Variants in MED12L observed in about 807,000 individuals in gnomAD.
MED12L encodes the protein mediator complex subunit 12L, also known as mediator of RNA polymerase II transcription subunit 12-like protein.
Under a neutral mutation model 281.3 loss-of-function variants are expected in MED12L, and 60 were observed. That is an observed-to-expected ratio of 0.21 (90% CI 0.17 to 0.26). The LOEUF (loss-of-function observed/expected upper bound fraction) is 0.26. MED12L is among the 10% of genes least tolerant of loss of function. The pLI is 1.00. For synonymous variants in MED12L, 974 were observed against 987.2 expected (o/e 0.99, Z 0.25); for missense variants, 2,146 against 2,680.9 (o/e 0.80, Z 4.41).
chr3:151,213,741 C>G, intron 16 of MED12L: 1 of 1,614,112 alleles, frequency 6.2e-7, no homozygotes, highest in Non-Finnish European at 8.5e-7. Context: ...AGAAGATGGC[C>G]ACGAAGATGT....
chr3:151,223,457 T>G (rs1157819477), intron 16 of MED12L, among the ~76,000 whole-genome samples: 2 of 152,178 alleles, frequency 1.3e-5, no homozygotes, highest in African/African-American at 4.8e-5. Flanking sequence ...CTATCAATGA[T>G]GGATTGGATG....
rs558538528 is a variant in MED12L at position 151,215,380 on chromosome 3, A to G, written c.2250+21714A>G. Among the ~76,000 whole-genome samples, 12 of 152,316 alleles carry G rather than the reference A, an allele frequency of 7.9e-5. No homozygotes were observed. In the East Asian group the frequency reaches 1.3e-3, roughly 17 times the overall value. ...GGAATGAAAAAATGTAAAATATCTC[A>G]GTATTTTTAATACTGATCACATGTT... is the stretch of plus-strand genomic sequence containing the variant. On this transcript the variant is annotated intron_variant, in intron 16 of 44. Transcript: ENST00000687756.
At chr3:151,138,791 G>A (rs905987745) in intron 5 of MED12L, among the ~76,000 whole-genome samples, 1 of 152,052 alleles carries the variant, frequency 6.6e-6, no homozygotes, top group South Asian at 2.1e-4. Flanking sequence ...TGATCACCTG[G>A]CTGAGGTAGC....
intron 2 of MED12L, among the ~76,000 whole-genome samples, chr3:151,112,276 C>A (rs944521444): frequency 5.3e-5 from 7 of 131,258 alleles, no homozygotes; most frequent in Admixed American, 7.8e-5. Context: ...TTAACAATTT[C>A]TTTTTCTTTT....
At chr3:151,174,293 C>T (rs1322410768) in intron 11 of MED12L, among the ~76,000 whole-genome samples, 5 of 152,194 alleles carry the variant, frequency 3.3e-5, no homozygotes, top group African/African-American at 7.2e-5. Flanking sequence ...AATTATGGAT[C>T]AGCCCCTGTA....
chr3:151,380,294 T>C (rs1712019987), intron 32 of MED12L, 70 bp downstream of exon 32: 2 of 1,073,066 alleles, frequency 1.9e-6, no homozygotes, highest in East Asian at 5.2e-5. Context: ...GCCTTTCAAA[T>C]ACTGAGATTA....
intron 38 of MED12L, among the ~76,000 whole-genome samples, chr3:151,394,007 G>A (rs565529048): frequency 2.0e-5 from 3 of 151,962 alleles, no homozygotes; most frequent in Non-Finnish European, 4.4e-5. Flanking sequence ...TTAAATGCGC[G>A]TGACAAATTA....
intron 16 of MED12L, among the ~76,000 whole-genome samples, chr3:151,237,337 TTTTTTTTTTTTTC>T (rs1204037687): frequency 7.8e-5 from 7 of 89,448 alleles, no homozygotes; most frequent in Non-Finnish European, 1.1e-4. Flanking sequence ...CACGCCTGGC[TTTTTTTTTTTTTC>T]TTTTTTTTTT....
chr3:151,321,726 G>A (rs1384998539), intron 16 of MED12L, among the ~76,000 whole-genome samples: 1 of 152,132 alleles, frequency 6.6e-6, no homozygotes, highest in Non-Finnish European at 1.5e-5. Context: ...AGTAAGTTAT[G>A]TAATTTTTAA....
In MED12L at chr3:151,366,128, G is replaced by A. The variant is rs182946706; in HGVS notation, c.3327+137G>A. ...ATATTTTTTCTTTCTCTGTCCAAAA[G>A]CAGTAAACCACAATGACATTGCCAG... On this transcript the variant is annotated intron_variant, in intron 23 of 44. Coordinates refer to ENST00000687756, the MANE Select transcript of MED12L (RefSeq NM_001393769.1). 4.4e-3 allele frequency: 2,995 copies of A among 684,918 alleles called. 13 individuals carry two copies. The highest frequency in any genetic ancestry group is 5.8e-3 in the Non-Finnish European group (2,696 of 463,584). 42.4% of individuals were successfully genotyped at this position (684,918 alleles called of 1,614,324 possible). A position where few individuals can be genotyped will look rare whatever the true frequency, so the allele number is the denominator to read the frequency against.
In MED12L at chr3:151,319,020, T is replaced by C. The variant is rs537415510; in HGVS notation, c.2251-31039T>C. The stretch of plus-strand genomic sequence containing the variant: ...CAGCTGGCTTGGAGTGTTTCAGTGT[T>C]TCGTTGGCTGGCAGCGCAAATTTAG... On this transcript the variant is annotated intron_variant, in intron 16 of 44. Coordinates refer to ENST00000687756, the MANE Select transcript of MED12L (RefSeq NM_001393769.1). Among the ~76,000 whole-genome samples the C allele has an allele frequency of 9.1e-4, 139 of 152,252 alleles. 1 individual carries two copies. Among genetic ancestry groups the C allele is most frequent in the Admixed American group, 8.1e-3 (124 of 15,306 alleles).
intron 2 of MED12L, among the ~76,000 whole-genome samples, chr3:151,088,427 A>T (rs1242817885): frequency 6.6e-6 from 1 of 152,232 alleles, no homozygotes; most frequent in Non-Finnish European, 1.5e-5. Flanking sequence ...GATCAAGTGT[A>T]CAGTTAATAG....
At chr3:151,388,808 G>A (rs942318234) in intron 37 of MED12L, among the ~76,000 whole-genome samples, 4 of 152,106 alleles carry the variant, frequency 2.6e-5, no homozygotes, top group African/African-American at 9.7e-5. Flanking sequence ...CTATTTGATG[G>A]TGATTTAGAA....
chr3:151,087,118 C>A, intron 2 of MED12L, 93 bp downstream of exon 2: 1 of 1,045,430 alleles, frequency 9.6e-7, no homozygotes, highest in Admixed American at 2.7e-5. Context: ...GCCGGCGCTG[C>A]GGTGGAAGAG....
intron 16 of MED12L, chr3:151,299,934 G>T: frequency 1.4e-6 from 1 of 718,634 alleles, no homozygotes. Flanking sequence ...TATACATAAG[G>T]AAACACAAAG....
intron 21 of MED12L, among the ~76,000 whole-genome samples, chr3:151,363,600 T>C (rs1216837820): frequency 2.6e-5 from 4 of 152,204 alleles, no homozygotes; most frequent in Non-Finnish European, 5.9e-5. Context: ...TATCCTTCAA[T>C]GACAACCAAC....
chr3:151,179,885 A>G (rs1230418513), intron 11 of MED12L, among the ~76,000 whole-genome samples: 1 of 152,206 alleles, frequency 6.6e-6, no homozygotes, highest in Non-Finnish European at 1.5e-5. Context: ...GTCATTGTAA[A>G]ACTTCTTTGA....
chr3:151,102,716 C>G (rs577119700), intron 2 of MED12L, among the ~76,000 whole-genome samples: 2 of 152,210 alleles, frequency 1.3e-5, no homozygotes, highest in Non-Finnish European at 2.9e-5. Context: ...ATCAAGTGAT[C>G]GTCGCCTGGG....
intron 16 of MED12L, among the ~76,000 whole-genome samples, chr3:151,344,606 G>A (rs1221518335): frequency 2.0e-5 from 3 of 152,040 alleles, no homozygotes; most frequent in South Asian, 2.1e-4. Flanking sequence ...GTTTACTTCC[G>A]GATATATACT....
Sources: gnomAD v4.1 joint callset for allele counts (sites outside exome capture counted in the v4.1 genomes callset) on GRCh38, gnomAD v4.1.1 for gene constraint, MANE v1.5 for transcripts, NCBI Gene and HGNC (gene_info 2026-07-23, HGNC 2026-07-21) for gene names.